The following ARSF variants were observed in gnomAD, a reference collection of about 807,000 sequenced individuals.
ARSF encodes arylsulfatase F.
A neutral mutation model predicts 35.4 loss-of-function variants in ARSF; 33 were observed. The ratio of observed to expected loss-of-function variants is 0.93; its 90% CI spans 0.71 to 1.25. ARSF has a LOEUF of 1.25. Among genes scored for constraint, ARSF ranks in the 50% most tolerant of loss-of-function variants. ARSF has a pLI of 0.00. For synonymous variants in ARSF, 222 were observed against 193.1 expected (o/e 1.15, Z -1.24); for missense variants, 501 against 480.2 (o/e 1.04, Z -0.40).
chrX:3,063,129 G>A (rs2090049085), intron 1 of ARSF, among the ~76,000 whole-genome samples: 1 of 111,743 alleles, frequency 8.9e-6, no homozygotes, highest in African/African-American at 3.3e-5. Flanking sequence ...CTTCATCCCT[G>A]GGATGCAAGG....
chrX:3,079,342 AT>A lies in ARSF; in HGVS notation c.284-1529del, dbSNP rs57390116. 6.9e-3 allele frequency among the ~76,000 whole-genome samples: 489 copies of A among 71,117 alleles called. 3 individuals are homozygous for A. Among genetic ancestry groups the A allele is most frequent in the East Asian group, 0.018 (35 of 1,981 alleles). 61.8% of individuals were successfully genotyped at this position (71,117 alleles called of 115,157 possible). A position where few individuals can be genotyped will look rare whatever the true frequency, so the allele number is the denominator to read the frequency against. ...TGAAATTGTTGGGTTGCATGGTTCT[AT>A]TTTTTTTTTTTTTTTTTTTCAGATG... On this transcript the variant is annotated intron_variant, in intron 4 of 10. Transcript: ENST00000381127.
intron 2 of ARSF, 57 bp downstream of exon 2, chrX:3,068,168 G>A: frequency 9.1e-7 from 1 of 1,098,609 alleles, no homozygotes. Flanking sequence ...ATAATTCTGT[G>A]TATTTGTGAA....
At chrX:3,109,010 C>T (rs1048860261) in intron 9 of ARSF, among the ~76,000 whole-genome samples, 2 of 110,570 alleles carry the variant, frequency 1.8e-5, no homozygotes, top group East Asian at 5.7e-4. Context: ...GAGCAAAACT[C>T]TGTCTCCAAG....
At chrX:3,041,107 A>C (rs1349924650), upstream of ARSF, among the ~76,000 whole-genome samples, 12 of 110,375 alleles carry the variant, frequency 1.1e-4, no homozygotes, top group Non-Finnish European at 5.7e-5. Context: ...GTCAAACAAG[A>C]AGCTTCCTGT....
At chrX:3,107,352 A>C (rs2090417602) in intron 9 of ARSF, among the ~76,000 whole-genome samples, 1 of 111,741 alleles carries the variant, frequency 8.9e-6, no homozygotes, top group Non-Finnish European at 1.9e-5. Context: ...CAAGTAAATA[A>C]ACATGTGACC....
At chrX:3,092,636 G>A (rs2090303309) in intron 7 of ARSF, among the ~76,000 whole-genome samples, 1 of 112,107 alleles carries the variant, frequency 8.9e-6, no homozygotes, top group Non-Finnish European at 1.9e-5. Context: ...AGATGTACAT[G>A]ATACTGGTGC....
intron 7 of ARSF, among the ~76,000 whole-genome samples, chrX:3,097,123 GT>G (rs1307409521): frequency 8.9e-6 from 1 of 112,049 alleles, no homozygotes; most frequent in Non-Finnish European, 1.9e-5. Flanking sequence ...ATAAATGTTT[GT>G]TGTTTTAAGC....
chrX:3,080,261 G>A (rs1456170894), intron 4 of ARSF, among the ~76,000 whole-genome samples: 1 of 23,077 alleles, frequency 4.3e-5, no homozygotes, highest in African/African-American at 1.6e-4. Flanking sequence ...AGATCATGAG[G>A]TCCGGAGATG....
intron 1 of ARSF, among the ~76,000 whole-genome samples, chrX:3,061,118 A>G (rs1187277858): frequency 8.9e-6 from 1 of 111,978 alleles, no homozygotes; most frequent in African/African-American, 3.2e-5. Flanking sequence ...CAGAAACTCT[A>G]CAAGCCAGAA....
At chrX:3,106,907 G>C (rs939331515) in intron 9 of ARSF, among the ~76,000 whole-genome samples, 1 of 111,826 alleles carries the variant, frequency 8.9e-6, no homozygotes, top group Non-Finnish European at 1.9e-5. Context: ...TGGGGGGTTG[G>C]TCTCAAGACC....
In ARSF at chrX:3,092,958, T is replaced by G. The variant is rs981727118; in HGVS notation, c.967+3326T>G. ...GAGGCCAAGGCGGGTGGATAACGAGTTCAGGCAATCAAAACCATCCTGGTT... is the reference window on the plus strand; with the variant it reads ...GAGGCCAAGGCGGGTGGATAACGAGGTCAGGCAATCAAAACCATCCTGGTT... On this transcript the variant is annotated intron_variant, in intron 7 of 10. Transcript: ENST00000381127. 1.3e-4 allele frequency among the ~76,000 whole-genome samples: 15 copies of G among 111,230 alleles called. No individual in the cohort carries two copies. In the East Asian group the frequency reaches 2.8e-3, roughly 21 times the overall value.
chrX:3,109,118 A>G (rs2090428038), intron 9 of ARSF, among the ~76,000 whole-genome samples: 1 of 110,791 alleles, frequency 9.0e-6, no homozygotes, highest in African/African-American at 3.3e-5. Flanking sequence ...TTGGGAGTTC[A>G]AGACCAGCCT....
intron 7 of ARSF, among the ~76,000 whole-genome samples, chrX:3,095,591 G>C (rs1390706735): frequency 9.1e-6 from 1 of 109,544 alleles, no homozygotes; most frequent in Non-Finnish European, 1.9e-5. Context: ...ACATAGGTAT[G>C]TTCACTACAT....
At chrX:3,105,324 C>G (rs5939167) in intron 9 of ARSF, among the ~76,000 whole-genome samples, 29,301 of 111,327 alleles carry the variant, frequency 0.26, 2,927 homozygotes, top group African/African-American at 0.34. Context: ...GCAGATATCT[C>G]TATCAACACA....
chrX:3,084,307 T>C lies in ARSF; in HGVS notation c.471T>C (p.Tyr157=). 24 of 1,211,771 alleles carry C rather than the reference T, an allele frequency of 2.0e-5. No individual in the cohort carries two copies. Among genetic ancestry groups the C allele is most frequent in the Non-Finnish European group, 2.6e-5 (23 of 895,553 alleles). Residue 157 remains tyrosine (Y), a synonymous_variant, in exon 6 of 11, where the codon TAT becomes TAC. Coordinates refer to ENST00000381127, the MANE Select transcript of ARSF (RefSeq NM_001201539.2). ...RSDQCHHPYN[Y]GFDYYYGMPF... ...ACCAGTGCCACCATCCATATAATTA[T>C]GGGTTTGACTACTACTATGGCATGC... is the stretch of plus-strand genomic sequence containing the variant.
intron 9 of ARSF, among the ~76,000 whole-genome samples, chrX:3,105,489 G>C (rs1320905280): frequency 8.9e-6 from 1 of 111,957 alleles, no homozygotes; most frequent in Non-Finnish European, 1.9e-5. Context: ...TTTTGAGACA[G>C]AGTTTCGTTC....
chrX:3,106,743 A>C (rs970381436), intron 9 of ARSF, among the ~76,000 whole-genome samples: 1 of 112,728 alleles, frequency 8.9e-6, no homozygotes, highest in African/African-American at 3.2e-5. Context: ...ACAAGAGTGT[A>C]GAATAGACAA....
chrX:3,071,924 T>C, intron 2 of ARSF, 102 bp from the exon 3 acceptor site: 1 of 855,627 alleles, frequency 1.2e-6, no homozygotes, highest in South Asian at 2.2e-5. Context: ...GCCTGGGAGA[T>C]CCACGTGATC....
intron 7 of ARSF, among the ~76,000 whole-genome samples, chrX:3,098,251 C>T (rs2090351898): frequency 9.1e-6 from 1 of 110,483 alleles, no homozygotes. Flanking sequence ...AGGTGTGAGC[C>T]ATGATGCCCA....
Sources: allele counts gnomAD v4.1 joint callset (sites outside exome capture counted in the v4.1 genomes callset), GRCh38; gene constraint gnomAD v4.1.1; transcripts MANE v1.5; gene names NCBI Gene and HGNC (gene_info 2026-07-23, HGNC 2026-07-21).